BFAR: variants seen among roughly 807,000 people sequenced by gnomAD.
The protein encoded by BFAR is RING finger protein 47.
BFAR carries 52 observed loss-of-function variants against 54.4 expected under a neutral mutation model. That is an observed-to-expected ratio of 0.96 (90% CI 0.77 to 1.21). BFAR has a LOEUF of 1.21. Among genes scored for constraint, BFAR ranks in the 50% most tolerant of loss-of-function variants. The probability of loss-of-function intolerance (pLI) is 0.00; values close to 1 mark genes in which losing one functional copy is unlikely to be tolerated. For synonymous variants in BFAR, 215 were observed against 204.3 expected (o/e 1.05, Z -0.45); for missense variants, 571 against 534.0 (o/e 1.07, Z -0.68).
intron 1 of BFAR, among the ~76,000 whole-genome samples, chr16:14,637,609 G>A (rs1335528727): frequency 1.3e-5 from 2 of 152,198 alleles, no homozygotes. Flanking sequence ...GCCACGGCAG[G>A]CAGATCACCT....
At chr16:14,661,315 A>G (rs1455750628) in intron 5 of BFAR, among the ~76,000 whole-genome samples, 2 of 151,888 alleles carry the variant, frequency 1.3e-5, no homozygotes, top group Non-Finnish European at 2.9e-5. Context: ...ATAGCTTTTT[A>G]AAAAGGCTAT....
chr16:14,660,165 G>A (rs1045989817), intron 5 of BFAR, among the ~76,000 whole-genome samples: 1 of 152,112 alleles, frequency 6.6e-6, no homozygotes, highest in Admixed American at 6.6e-5. Context: ...ATCTCCACTG[G>A]ACACTGGGGA....
At chr16:14,654,831 C>T (rs993738620) in intron 4 of BFAR, among the ~76,000 whole-genome samples, 1 of 152,108 alleles carries the variant, frequency 6.6e-6, no homozygotes, top group Non-Finnish European at 1.5e-5. Context: ...CAGCATAATG[C>T]CACTACCCTG....
At chr16:14,664,062 G>A (rs1202097324) in intron 6 of BFAR, among the ~76,000 whole-genome samples, 2 of 152,050 alleles carry the variant, frequency 1.3e-5, no homozygotes, top group African/African-American at 4.8e-5. Flanking sequence ...GGCCAACATG[G>A]CAAAACCTCG....
At chr16:14,661,306 T>C (rs540896061) in intron 5 of BFAR, among the ~76,000 whole-genome samples, 3 of 151,574 alleles carry the variant, frequency 2.0e-5, no homozygotes, top group Admixed American at 6.6e-5. Flanking sequence ...TTTTTCAAAA[T>C]AGCTTTTTAA....
intron 1 of BFAR, among the ~76,000 whole-genome samples, chr16:14,638,101 A>G (rs914356901): frequency 6.6e-6 from 1 of 152,176 alleles, no homozygotes; most frequent in African/African-American, 2.4e-5. Flanking sequence ...CTGAGAAACA[A>G]TTGAGGTCAG....
intron 1 of BFAR, among the ~76,000 whole-genome samples, chr16:14,635,420 C>G (rs1959401774): frequency 6.6e-6 from 1 of 151,862 alleles, no homozygotes. Flanking sequence ...TTATAGCTAT[C>G]TGAGTTACTG....
chr16:14,642,419 A>C (rs1959656933), intron 1 of BFAR, among the ~76,000 whole-genome samples: 1 of 152,178 alleles, frequency 6.6e-6, no homozygotes, highest in Non-Finnish European at 1.5e-5. Context: ...TTAAGAGTCC[A>C]ACTCCAAGAT....
Position 14,669,107 on chromosome 16 carries a change from T to A in BFAR, c.*1280T>A, listed in dbSNP as rs943294227. ...AAATAGGCCTACATCCAAAATATTA[T>A]CTTGTGACTCCATGAACCATTCATT... On this transcript the variant is annotated 3_prime_UTR_variant, in exon 8 of 8. Transcript: ENST00000261658. 4 of 452,260 alleles carry A rather than the reference T, an allele frequency of 8.8e-6. No homozygotes were observed. The highest frequency in any genetic ancestry group is 1.3e-5 in the Non-Finnish European group (3 of 224,774). The allele number at this position is 452,260 out of a possible 1,614,324, so 28.0% of individuals were successfully genotyped here. A position where few individuals can be genotyped will look rare whatever the true frequency, so the allele number is the denominator to read the frequency against.
chr16:14,650,087 C>T (rs1437853086), intron 4 of BFAR, 114 bp downstream of exon 4: 9 of 1,015,738 alleles, frequency 8.9e-6, no homozygotes, highest in South Asian at 4.6e-5. Context: ...TTTGGGAGGC[C>T]GAGGCGGATC....
At chr16:14,665,768 G>C (rs1029447601) in intron 7 of BFAR, among the ~76,000 whole-genome samples, 4 of 152,210 alleles carry the variant, frequency 2.6e-5, no homozygotes, top group Non-Finnish European at 4.4e-5. Flanking sequence ...ACCGGAGTTA[G>C]TGAGAAGTCA....
At chr16:14,648,018 T>C (rs1054812868) in intron 2 of BFAR, among the ~76,000 whole-genome samples, 12 of 152,080 alleles carry the variant, frequency 7.9e-5, no homozygotes, top group Non-Finnish European at 4.4e-5. Flanking sequence ...GGTGGGCAGA[T>C]TGCCTGAGCT....
At chr16:14,652,568 A>C (rs1181507588) in intron 4 of BFAR, among the ~76,000 whole-genome samples, 1 of 152,158 alleles carries the variant, frequency 6.6e-6, no homozygotes, top group Non-Finnish European at 1.5e-5. Context: ...CGTGTGAGCC[A>C]CCACACCTGG....
At position 14,662,802 on chromosome 16, in the gene BFAR, C is replaced by T. The variant is rs71374719; in HGVS notation, c.957+737C>T. 1.8e-4 allele frequency among the ~76,000 whole-genome samples: 28 copies of T among 152,220 alleles called. No individual in the cohort carries two copies. In the East Asian group the frequency reaches 2.3e-3, roughly 13 times the overall value. ...GCTGCAGACAAAACCCCTCAGACAC[C>T]GAGTTAAAGAAGGAAGGGATTTATT... On this transcript the variant is annotated intron_variant, in intron 6 of 7. Coordinates refer to ENST00000261658, the MANE Select transcript of BFAR (RefSeq NM_016561.3).
intron 6 of BFAR, among the ~76,000 whole-genome samples, chr16:14,662,631 C>T (rs1273473066): frequency 1.3e-5 from 2 of 152,092 alleles, no homozygotes; most frequent in African/African-American, 2.4e-5. Context: ...GCGATCTTCA[C>T]ACCTCAGCCT....
intron 5 of BFAR, among the ~76,000 whole-genome samples, chr16:14,660,924 C>T (rs1013377460): frequency 1.3e-5 from 2 of 151,932 alleles, no homozygotes; most frequent in African/African-American, 4.8e-5. Context: ...AATTAAGAGA[C>T]TGGGTCTTGC....
chr16:14,664,416 A>G (rs1321423837), intron 6 of BFAR, among the ~76,000 whole-genome samples: 1 of 149,840 alleles, frequency 6.7e-6, no homozygotes, highest in Non-Finnish European at 1.5e-5. Flanking sequence ...AAAAACAATT[A>G]CAAGATGAGT....
intron 1 of BFAR, among the ~76,000 whole-genome samples, chr16:14,642,032 C>T (rs1567485005): frequency 6.6e-6 from 1 of 152,128 alleles, no homozygotes; most frequent in African/African-American, 2.4e-5. Flanking sequence ...AGCTGAGCCT[C>T]ACCGCTGGTA....
At position 14,643,252 on chromosome 16, in the gene BFAR, G is replaced by T. The variant is rs145431025; in HGVS notation, c.-73-1022G>T. 2.6e-3 allele frequency among the ~76,000 whole-genome samples: 393 copies of T among 152,162 alleles called. 2 individuals are homozygous for T. Among genetic ancestry groups the T allele is most frequent in the Admixed American group, 9.9e-3 (152 of 15,284 alleles). ...TTGAACCTGGCAGGCAGAGGTTGACGTGAGCCAAGATCACACCACCGCACT... is the reference window on the plus strand; with the variant it reads ...TTGAACCTGGCAGGCAGAGGTTGACTTGAGCCAAGATCACACCACCGCACT... On this transcript the variant is annotated intron_variant, in intron 1 of 7. Transcript: ENST00000261658.
Sources: allele counts gnomAD v4.1 joint callset (sites outside exome capture counted in the v4.1 genomes callset), GRCh38; gene constraint gnomAD v4.1.1; transcripts MANE v1.5; gene names NCBI Gene and HGNC (gene_info 2026-07-23, HGNC 2026-07-21).